Variants in SERPINC1 observed in about 807,000 individuals in gnomAD.
The protein encoded by SERPINC1 is antithrombin-III.
SERPINC1 carries 12 observed loss-of-function variants against 43.4 expected under a neutral mutation model. The ratio of observed to expected loss-of-function variants is 0.28; its 90% CI spans 0.18 to 0.45. The LOEUF (loss-of-function observed/expected upper bound fraction) is 0.45. Ranked by LOEUF, SERPINC1 falls within the 20% of genes least tolerant of loss-of-function variation. The pLI, the probability that SERPINC1 is intolerant of heterozygous loss-of-function variation, is 1.00. For missense variants in SERPINC1, 423 were observed against 578.8 expected (o/e 0.73, Z 2.76); for synonymous variants, 210 against 218.9 (o/e 0.96, Z 0.36).
intron 6 of SERPINC1, 73 bp from the exon 7 acceptor site, chr1:173,904,138 G>T (rs1657384281): frequency 2.1e-6 from 3 of 1,404,898 alleles, no homozygotes; most frequent in South Asian, 1.2e-5. Context: ...ATCATCCACA[G>T]ACACAGCAAT....
chr1:173,910,137 C>G (rs1657706234), intron 4 of SERPINC1, among the ~76,000 whole-genome samples, 195 bp from the exon 5 acceptor site: 1 of 152,132 alleles, frequency 6.6e-6, no homozygotes, highest in Non-Finnish European at 1.5e-5. Flanking sequence ...AACTGTCAAA[C>G]CTTGGAAGCA....
chr1:173,909,434 A>AG (rs1657666823), intron 5 of SERPINC1, 118 bp downstream of exon 5: 1 of 1,000,232 alleles, frequency 1.0e-6, no homozygotes, highest in African/African-American at 1.6e-5. Context: ...AGTAGAAACT[A>AG]GGATCAGTAT....
chr1:173,910,693 AG>A, intron 4 of SERPINC1, 60 bp downstream of exon 4: 1 of 1,552,704 alleles, frequency 6.4e-7, no homozygotes, highest in Non-Finnish European at 8.9e-7. Context: ...TTAAAAAAAA[AG>A]GGGGTAAGCT....
At chr1:173,914,265 G>C (rs886309583) in intron 2 of SERPINC1, among the ~76,000 whole-genome samples, 3 of 151,976 alleles carry the variant, frequency 2.0e-5, no homozygotes, top group African/African-American at 7.3e-5. Context: ...ATAGATGAAA[G>C]AATTACTGAA....
Position 173,911,854 on chromosome 1 carries a change from T to C in SERPINC1, c.569A>G (p.Tyr190Cys). ...GDKSLTFNETYQDISELVYGA... is the reference protein window; with the variant it reads ...GDKSLTFNETCQDISELVYGA... ...ATATACCAACTCACTGATGTCCTGG[T>C]AGGTCTCATTGAAGGTAAGGGATTT... Residue 190 changes from tyrosine (Y) to cysteine (C), a missense_variant, in exon 3 of 7, where the codon TAC (tyrosine) becomes TGC (cysteine). By Grantham distance (194) the Tyr-to-Cys change is radical. Coordinates refer to ENST00000367698, the MANE Select transcript of SERPINC1 (RefSeq NM_000488.4). 1.2e-6 allele frequency: 2 copies of C among 1,614,168 alleles called. No individual in the cohort carries two copies. The highest frequency in any genetic ancestry group is 1.7e-6 in the Non-Finnish European group (2 of 1,180,018).
intron 2 of SERPINC1, among the ~76,000 whole-genome samples, chr1:173,913,485 C>G (rs552969289): frequency 2.0e-5 from 3 of 152,182 alleles, no homozygotes; most frequent in Non-Finnish European, 2.9e-5. Context: ...TCTCAATATA[C>G]CATCCTAGGC....
At chr1:173,910,088 C>A in intron 4 of SERPINC1, 146 bp from the exon 5 acceptor site, 1 of 829,578 alleles carries the variant, frequency 1.2e-6, no homozygotes, top group Non-Finnish European at 2.0e-6. Context: ...TTAACAATGG[C>A]TGTGTCAGAA....
At chr1:173,905,014 T>G (rs887803267) in intron 6 of SERPINC1, among the ~76,000 whole-genome samples, 2 of 152,140 alleles carry the variant, frequency 1.3e-5, no homozygotes, top group Admixed American at 6.5e-5. Flanking sequence ...ATCTTACATA[T>G]TGTGTACTGG....
intron 2 of SERPINC1, among the ~76,000 whole-genome samples, chr1:173,913,492 AGGCCCCGTGCAGT>A (rs573589657): frequency 1.7e-3 from 265 of 152,218 alleles, no homozygotes; most frequent in African/African-American, 6.1e-3. Context: ...ATACCATCCT[AGGCCCCGTGCAGT>A]GGCTCATGCT....
rs1657783890 is a variant in SERPINC1, at chr1:173,911,872, A to G, written c.551T>C (p.Leu184Pro). The change falls in exon 3 of 7, where the codon CTT becomes CCT. Residue 184 changes from leucine to proline, a missense_variant. Coordinates refer to ENST00000367698, the MANE Select transcript of SERPINC1 (RefSeq NM_000488.4). ...SANRLFGDKS[L>P]TFNETYQDIS... is the part of the protein sequence containing the mutation. ...GTCCTGGTAGGTCTCATTGAAGGTA[A>G]GGGATTTGTCTCCAAAAAGGCGATT... is the stretch of plus-strand genomic sequence containing the variant. The G allele has an allele frequency of 6.2e-7, 1 of 1,614,124 alleles. No homozygotes were observed. Among genetic ancestry groups the G allele is most frequent in the Admixed American group, 1.7e-5 (1 of 60,008 alleles).
In SERPINC1 at chr1:173,917,306, T is replaced by C. The variant is rs764606323; in HGVS notation, c.-47A>G. 2.7e-5 allele frequency: 42 copies of C among 1,581,630 alleles called. No individual in the cohort carries two copies. In the Admixed American group the frequency reaches 7.0e-4, roughly 26 times the overall value. ...CTGGGCAAGTGGAGATAGTGTGATC[T>C]GAGGCAATCCGCCTGAAAACTGGTT... is the stretch of plus-strand genomic sequence containing the variant. On this transcript the variant is annotated 5_prime_UTR_variant, in exon 1 of 7. Transcript: ENST00000367698.
intron 1 of SERPINC1, chr1:173,915,129 T>C: frequency 2.6e-5 from 37 of 1,435,314 alleles, no homozygotes; most frequent in Non-Finnish European, 3.3e-5. Context: ...GACGTGGTCA[T>C]GTTGGAATTA....
In SERPINC1 at chr1:173,917,231, G is replaced by C; in HGVS notation, c.29C>G (p.Thr10Ser). The change falls in exon 1 of 7, where the codon ACC (threonine) becomes AGC (serine). Residue 10 changes from threonine (T) to serine (S), a missense_variant. Physicochemically the swap from Thr to Ser is moderately conservative, Grantham distance 58 (BLOSUM62 1). Transcript: ENST00000367698. Reference sequence around the variant, plus strand: ...TCACCCCTCTTACCTTTTTCCAGAGGTTACAGTTCCTATCACATTGGAATA... The same window carrying C: ...TCACCCCTCTTACCTTTTTCCAGAGCTTACAGTTCCTATCACATTGGAATA... MYSNVIGTV[T>S]SGKRKVYLLS... 6.2e-7 allele frequency: 1 copy of C among 1,614,040 alleles called. No individual in the cohort carries two copies. The highest frequency in any genetic ancestry group is 8.5e-7 in the Non-Finnish European group (1 of 1,179,976).
intron 6 of SERPINC1, among the ~76,000 whole-genome samples, chr1:173,906,022 C>T (rs1219492560): frequency 6.6e-6 from 1 of 152,200 alleles, no homozygotes; most frequent in African/African-American, 2.4e-5. Context: ...AAACCTTTCT[C>T]TTTGACTACA....
At chr1:173,907,981 CAAAAATAAT>C (rs1050264031) in intron 5 of SERPINC1, among the ~76,000 whole-genome samples, 1 of 84,626 alleles carries the variant, frequency 1.2e-5, no homozygotes, top group Non-Finnish European at 2.4e-5. Context: ...AACTGCATCT[CAAAAATAAT>C]AATAATAATA....
chr1:173,914,503 C>G, intron 2 of SERPINC1, 50 bp downstream of exon 2: 2 of 1,611,960 alleles, frequency 1.2e-6, no homozygotes, highest in Non-Finnish European at 1.7e-6. Flanking sequence ...CTATGGAAGC[C>G]CCAAAGGTGC....
chr1:173,915,667 A>C (rs1357491712), intron 1 of SERPINC1, among the ~76,000 whole-genome samples: 1 of 152,214 alleles, frequency 6.6e-6, no homozygotes, highest in African/African-American at 2.4e-5. Flanking sequence ...ACAAAGTGAG[A>C]CTGTGTCTCA....
chr1:173,910,307 G>A (rs1042154118), intron 4 of SERPINC1, among the ~76,000 whole-genome samples: 5 of 152,144 alleles, frequency 3.3e-5, no homozygotes, highest in Non-Finnish European at 7.3e-5. Context: ...TGCCGGGCGC[G>A]GTGGCTCATG....
At chr1:173,916,538 G>A (rs1657999267) in intron 1 of SERPINC1, among the ~76,000 whole-genome samples, 1 of 152,214 alleles carries the variant, frequency 6.6e-6, no homozygotes, top group Non-Finnish European at 1.5e-5. Context: ...AGAGGACCCT[G>A]CCATTCATCT....
Sources: gnomAD v4.1 joint callset for allele counts (sites outside exome capture counted in the v4.1 genomes callset) on GRCh38, gnomAD v4.1.1 for gene constraint, MANE v1.5 for transcripts, NCBI Gene and HGNC (gene_info 2026-07-23, HGNC 2026-07-21) for gene names.